Variants in CNGB3 observed in about 807,000 individuals in gnomAD.
CNGB3 encodes the protein cyclic nucleotide-gated channel beta-3.
A neutral mutation model predicts 92.8 loss-of-function variants in CNGB3; 86 were observed. The ratio of observed to expected loss-of-function variants is 0.93; its 90% CI spans 0.78 to 1.11. The LOEUF (loss-of-function observed/expected upper bound fraction) is 1.11. Ranked by LOEUF, CNGB3 falls within the 50% of genes least tolerant of loss-of-function variation. The pLI is 0.00. For synonymous variants in CNGB3, 333 were observed against 332.7 expected, an observed-to-expected ratio of 1.00 and a Z score of -0.01; for missense variants, 1,026 against 956.8, an observed-to-expected ratio of 1.07 and a Z score of -0.95.
intron 15 of CNGB3, among the ~76,000 whole-genome samples, chr8:86,600,282 G>T (rs1344268888): frequency 1.3e-5 from 2 of 152,052 alleles, no homozygotes; most frequent in Admixed American, 1.3e-4. Flanking sequence ...TTAATCACCT[G>T]GTATTGAAGT....
At position 86,668,111 on chromosome 8, in the gene CNGB3, T is replaced by C. The variant is rs1370084296; in HGVS notation, c.551A>G (p.Tyr184Cys). Reference sequence around the variant, plus strand: ...GACTTTGAACCACAACAGCCTGTAGTAATGTTCTGTTGGCTTATCATCGCT... The same window carrying C: ...GACTTTGAACCACAACAGCCTGTAGCAATGTTCTGTTGGCTTATCATCGCT... ...KESDDKPTEH[Y>C]YRLLWFKVKK... The change falls in exon 5 of 18, where the codon TAC becomes TGC. Residue 184 changes from tyrosine (Y) to cysteine (C), a missense_variant. By Grantham distance (194) the Tyr-to-Cys change is radical. Coordinates refer to ENST00000320005, the MANE Select transcript of CNGB3 (RefSeq NM_019098.5). 27 of 1,614,036 alleles carry C rather than the reference T, an allele frequency of 1.7e-5. No individual in the cohort carries two copies. The highest frequency in any genetic ancestry group is 2.3e-5 in the Non-Finnish European group (27 of 1,179,974).
At chr8:86,579,804 T>A (rs1160880267) in intron 15 of CNGB3, among the ~76,000 whole-genome samples, 1 of 152,202 alleles carries the variant, frequency 6.6e-6, no homozygotes, top group African/African-American at 2.4e-5. Context: ...GACACATGGA[T>A]GTCTTCTAGA....
At chr8:86,578,960 C>A in intron 16 of CNGB3, 97 bp from the exon 17 acceptor site, 2 of 1,546,574 alleles carry the variant, frequency 1.3e-6, no homozygotes, top group Non-Finnish European at 1.8e-6. Context: ...TGTGTAGTTT[C>A]AATGGGTACC....
chr8:86,707,280 TAAAG>T (rs895592972), intron 3 of CNGB3, among the ~76,000 whole-genome samples: 14 of 152,084 alleles, frequency 9.2e-5, no homozygotes, highest in African/African-American at 3.4e-4. Flanking sequence ...TACTTTTTAA[TAAAG>T]AGAGACAGAT....
intron 15 of CNGB3, among the ~76,000 whole-genome samples, chr8:86,595,897 T>A (rs1222319831): frequency 6.6e-6 from 1 of 152,152 alleles, no homozygotes; most frequent in Non-Finnish European, 1.5e-5. Flanking sequence ...TGATATAAAG[T>A]AAATATCAGA....
intron 10 of CNGB3, among the ~76,000 whole-genome samples, chr8:86,643,449 C>A (rs566715762): frequency 4.6e-5 from 7 of 151,410 alleles, no homozygotes; most frequent in Non-Finnish European, 8.9e-5. Flanking sequence ...TCACCCTTCC[C>A]AGTCTCTGTT....
At position 86,575,715 on chromosome 8, in the gene CNGB3, A is replaced by G. The variant is rs2131528852; in HGVS notation, c.*89T>C. Reference sequence around the variant, plus strand: ...CCTTTCGTTTCTCAAGGGTCCCAGCATGTCGTTTCCCCTCGTTAATTTAAG... The same window carrying G: ...CCTTTCGTTTCTCAAGGGTCCCAGCGTGTCGTTTCCCCTCGTTAATTTAAG... On this transcript the variant is annotated 3_prime_UTR_variant, in exon 18 of 18. Coordinates refer to ENST00000320005, the MANE Select transcript of CNGB3 (RefSeq NM_019098.5). The G allele has an allele frequency of 1.7e-6, 2 of 1,198,292 alleles. No individual in the cohort carries two copies. Among genetic ancestry groups the G allele is most frequent in the South Asian group, 1.3e-5 (1 of 74,908 alleles). 74.2% of individuals were successfully genotyped at this position (1,198,292 alleles called of 1,614,324 possible). A position where few individuals can be genotyped will look rare whatever the true frequency, so the allele number is the denominator to read the frequency against.
chr8:86,649,001 A>G (rs981647814), intron 7 of CNGB3, among the ~76,000 whole-genome samples: 2 of 151,464 alleles, frequency 1.3e-5, no homozygotes, highest in Non-Finnish European at 3.0e-5. Context: ...ACTGCTATAC[A>G]CCAATACACA....
At chr8:86,735,042 G>GGGTTT (rs1554618958) in intron 2 of CNGB3, among the ~76,000 whole-genome samples, 1 of 85,886 alleles carries the variant, frequency 1.2e-5, no homozygotes, top group Non-Finnish European at 2.1e-5. Context: ...AATGCCGGTG[G>GGGTTT]TTTTTTTTTT....
At chr8:86,741,933 G>C (rs148375129) in intron 1 of CNGB3, among the ~76,000 whole-genome samples, 1 of 152,172 alleles carries the variant, frequency 6.6e-6, no homozygotes, top group African/African-American at 2.4e-5. Flanking sequence ...CTCCTGTTTT[G>C]AGCAGTATAG....
At chr8:86,643,692 A>T in intron 10 of CNGB3, 59 bp downstream of exon 10, 1 of 1,561,834 alleles carries the variant, frequency 6.4e-7, no homozygotes, top group South Asian at 1.1e-5. Context: ...ATAAATTCAT[A>T]CAATGAAACA....
intron 15 of CNGB3, among the ~76,000 whole-genome samples, chr8:86,585,670 T>C (rs1298868098): frequency 6.6e-6 from 1 of 152,100 alleles, no homozygotes; most frequent in East Asian, 1.9e-4. Flanking sequence ...TTCTGTACCA[T>C]AAAAATGGAT....
At chr8:86,579,538 T>A (rs1554604872) in intron 15 of CNGB3, among the ~76,000 whole-genome samples, 1 of 152,204 alleles carries the variant, frequency 6.6e-6, no homozygotes, top group Non-Finnish European at 1.5e-5. Context: ...AAATGCAGAA[T>A]CCTTTTGGAC....
chr8:86,734,416 G>A (rs1441237), intron 2 of CNGB3, among the ~76,000 whole-genome samples: 31,901 of 152,004 alleles, frequency 0.21, 4,016 homozygotes, highest in East Asian at 0.42. Context: ...AACAAAGACT[G>A]GGATGGAGAT....
intron 6 of CNGB3, chr8:86,660,691 T>C (rs1823622704): frequency 3.8e-6 from 2 of 530,158 alleles, no homozygotes; most frequent in African/African-American, 3.9e-5. Context: ...AGCCCTGTTT[T>C]GTGAGAAGTT....
chr8:86,697,399 C>A (rs1301865656), intron 3 of CNGB3, among the ~76,000 whole-genome samples: 1 of 152,088 alleles, frequency 6.6e-6, no homozygotes, highest in African/African-American at 2.4e-5. Context: ...GTAGTTATAT[C>A]ATTAGAGATC....
At chr8:86,726,437 A>G in intron 3 of CNGB3, 94 bp downstream of exon 3, 2 of 1,533,722 alleles carry the variant, frequency 1.3e-6, no homozygotes, top group Non-Finnish European at 1.8e-6. Flanking sequence ...TTCTGCCCTT[A>G]TATTCAGCTA....
At chr8:86,590,411 G>A (rs1258819176) in intron 15 of CNGB3, among the ~76,000 whole-genome samples, 1 of 152,084 alleles carries the variant, frequency 6.6e-6, no homozygotes, top group Non-Finnish European at 1.5e-5. Flanking sequence ...TTGCTCATTA[G>A]TTGATGCAGT....
In CNGB3 at chr8:86,688,313, A is replaced by G. The variant is rs1824227939; in HGVS notation, c.339-17215T>C. Among the ~76,000 whole-genome samples, 3 of 152,064 alleles carry G rather than the reference A, an allele frequency of 2.0e-5. No individual in the cohort carries two copies. In the South Asian group the frequency reaches 6.2e-4, roughly 31 times the overall value. On this transcript the variant is annotated intron_variant, in intron 3 of 17. Coordinates refer to ENST00000320005, the MANE Select transcript of CNGB3 (RefSeq NM_019098.5). ...ACGGCACAAATCTAACCCCTCTTCC[A>G]TAAAATGGACAAATATTACCTGAAG...
Sources: allele counts gnomAD v4.1 joint callset (sites outside exome capture counted in the v4.1 genomes callset), GRCh38; gene constraint gnomAD v4.1.1; transcripts MANE v1.5; gene names NCBI Gene and HGNC (gene_info 2026-07-23, HGNC 2026-07-21).